DPH7: variants seen among roughly 807,000 people sequenced by gnomAD.
DPH7 encodes diphthamide biosynthesis 7.
A neutral mutation model predicts 41.7 loss-of-function variants in DPH7; 44 were observed. The ratio of observed to expected loss-of-function variants is 1.05; its 90% CI spans 0.83 to 1.36. DPH7 has a LOEUF of 1.36. DPH7 is among the 40% of genes most tolerant of loss of function. The pLI, the probability that DPH7 is intolerant of heterozygous loss-of-function variation, is 0.00. For missense variants in DPH7, 629 were observed against 577.5 expected, an observed-to-expected ratio of 1.09 and a Z score of -0.91; for synonymous variants, 275 against 238.0, an observed-to-expected ratio of 1.16 and a Z score of -1.43.
intron 2 of DPH7, 71 bp downstream of exon 2, chr9:137,577,399 A>T (rs1466798591): frequency 1.2e-4 from 176 of 1,466,558 alleles, no homozygotes; most frequent in Non-Finnish European, 1.6e-4. Flanking sequence ...TGTTGAAGGC[A>T]TCAGGCATCA....
At position 137,555,008 on chromosome 9, in the gene DPH7, C is replaced by T. The variant is rs1023975194; in HGVS notation, c.*231G>A. 3.0e-5 allele frequency: 13 copies of T among 429,440 alleles called. No individual in the cohort carries two copies. The highest frequency in any genetic ancestry group is 9.8e-5 in the South Asian group (1 of 10,180). 26.6% of individuals were successfully genotyped at this position (429,440 alleles called of 1,614,324 possible). On this transcript the variant is annotated 3_prime_UTR_variant, in exon 9 of 9. Coordinates refer to ENST00000277540, the MANE Select transcript of DPH7 (RefSeq NM_138778.5). ...CTTAACAAATCTGCAAGCTGGAAAC[C>T]GCGTCTTTTCCCCACTCTCTGCCAG...
At chr9:137,565,309 CTG>C (rs1491358461) in intron 5 of DPH7, 155 bp from the exon 6 acceptor site, 34 of 162,820 alleles carry the variant, frequency 2.1e-4, no homozygotes, top group Non-Finnish European at 2.7e-4. Context: ...CCCTGGGTGA[CTG>C]TCTGTGAGGA....
rs776819236 is a variant in DPH7 at position 137,565,135 on chromosome 9, C to T, written c.660G>A (p.Leu220=). ...IVYSGGDDGL[L]RGWDTRVPGK... is the part of the protein sequence containing the mutation. ...CGGGTACCCTGGTGTCCCAGCCCCTCAGAAGGCCATCGTCGCCCCCTGTGT... is the reference window on the plus strand; with the variant it reads ...CGGGTACCCTGGTGTCCCAGCCCCTTAGAAGGCCATCGTCGCCCCCTGTGT... The change falls in exon 6 of 9, where the codon CTG becomes CTA. Residue 220 remains leucine (L), a synonymous_variant. Transcript: ENST00000277540. 1 of 1,613,930 alleles carries T rather than the reference C, an allele frequency of 6.2e-7. No homozygotes were observed. The highest frequency in any genetic ancestry group is 1.3e-5 in the African/African-American group (1 of 74,948).
intron 5 of DPH7, among the ~76,000 whole-genome samples, chr9:137,570,211 A>G (rs1840204635): frequency 6.6e-6 from 1 of 151,344 alleles, no homozygotes; most frequent in Admixed American, 6.6e-5. Flanking sequence ...ACGGATACAC[A>G]GTGAACATGA....
At chr9:137,574,962 A>AC (rs1841125404) in intron 3 of DPH7, 119 bp from the exon 4 acceptor site, 4 of 1,507,644 alleles carry the variant, frequency 2.7e-6, no homozygotes, top group Non-Finnish European at 3.5e-6. Context: ...CGAATGAAGT[A>AC]CATCAGTCAC....
Position 137,555,083 on chromosome 9 carries a change from A to G in DPH7, c.*156T>C. The G allele has an allele frequency of 1.1e-6, 1 of 918,152 alleles. No individual in the cohort carries two copies. Among genetic ancestry groups the G allele is most frequent in the East Asian group, 3.0e-5 (1 of 33,344 alleles). 56.9% of individuals were successfully genotyped at this position (918,152 alleles called of 1,614,324 possible). A position where few individuals can be genotyped will look rare whatever the true frequency, so the allele number is the denominator to read the frequency against. On this transcript the variant is annotated 3_prime_UTR_variant, in exon 9 of 9. Transcript: ENST00000277540. ...GGGGCCCAGCAGGGAAGCTGATTTA[A>G]GAGAAGTCAACAGCTTTTCTGACTA...
In DPH7 at chr9:137,577,554, AG is replaced by A; in HGVS notation, c.202del (p.Leu68CysfsTer27). On this transcript the variant is annotated frameshift_variant, in exon 2 of 9. Coordinates refer to ENST00000277540, the MANE Select transcript of DPH7 (RefSeq NM_138778.5). LOFTEE classifies it high-confidence loss of function. ...EPQVRLGRLF[L>X]YSFNDNNSIH... ...AGAGTTGTTGTCATTGAAACTGTACAGGAAGAGACGGCCTAAACGGACCTGA... is the reference window on the plus strand; with the variant it reads ...AGAGTTGTTGTCATTGAAACTGTACAGAAGAGACGGCCTAAACGGACCTGA... 6.2e-7 allele frequency: 1 copy of A among 1,614,118 alleles called. No homozygotes were observed. The highest frequency in any genetic ancestry group is 8.5e-7 in the Non-Finnish European group (1 of 1,180,002).
chr9:137,578,588 GC>G, intron 1 of DPH7, 36 bp downstream of exon 1: 1 of 1,436,766 alleles, frequency 7.0e-7, no homozygotes, highest in Non-Finnish European at 9.1e-7. Context: ...CTCGTGGCCG[GC>G]CCCGCCCTCC....
Position 137,578,756 on chromosome 9 carries a change from G to A in DPH7, c.22C>T (p.Gln8Ter). 6.6e-7 allele frequency: 1 copy of A among 1,519,792 alleles called. No homozygotes were observed. The allele number at this position is 1,519,792 out of a possible 1,614,324, so 94.1% of individuals were successfully genotyped here. MMGCFAL[Q>*]TVDTELTADS... Reference sequence around the variant, plus strand: ...GCGGTCAGCTCGGTGTCCACCGTTTGCAGGGCGAAACAGCCCATCATCCAG... The same window carrying A: ...GCGGTCAGCTCGGTGTCCACCGTTTACAGGGCGAAACAGCCCATCATCCAG... Residue 8 changes from glutamine to a stop codon, truncating the protein, a stop_gained, in exon 1 of 9, where the codon CAA becomes TAA. Transcript: ENST00000277540. LOFTEE classifies it high-confidence loss of function.
At chr9:137,562,718 G>C (rs1268423156) in intron 8 of DPH7, among the ~76,000 whole-genome samples, 1 of 151,390 alleles carries the variant, frequency 6.6e-6, no homozygotes, top group African/African-American at 2.4e-5. Flanking sequence ...GCTCATGCCT[G>C]TACTTTGGGA....
In DPH7 at chr9:137,556,065, AACC is replaced by A. The variant is rs1837458532; in HGVS notation, c.950-420_950-418del. ...GAGAAAGTCCAAGGCTCGCACGGGG[AACC>A]ACAAACAGGCAGCCATGGCACTGTC... On this transcript the variant is annotated intron_variant, in intron 8 of 8. Transcript: ENST00000277540. This position sits in a 1 kb window ranked among gnomAD's most constrained non-coding sequence, Gnocchi z 5.2. Among the ~76,000 whole-genome samples the A allele has an allele frequency of 6.6e-6, 1 of 152,152 alleles. No individual in the cohort carries two copies. The highest frequency in any genetic ancestry group is 2.4e-5 in the African/African-American group (1 of 41,436).
At chr9:137,563,356 C>A (rs1838952928) in intron 8 of DPH7, among the ~76,000 whole-genome samples, 1 of 151,748 alleles carries the variant, frequency 6.6e-6, no homozygotes, top group Non-Finnish European at 1.5e-5. Context: ...CATGGTGAAC[C>A]CCCCATCTCT....
chr9:137,574,466 C>T (rs1841035493), intron 4 of DPH7, 86 bp from the exon 5 acceptor site: 2 of 1,427,786 alleles, frequency 1.4e-6, no homozygotes, highest in Non-Finnish European at 1.9e-6. Context: ...GAGAGACGGT[C>T]TCCACAGCCC....
Position 137,564,578 on chromosome 9 carries a change from T to C in DPH7, c.805A>G (p.Thr269Ala). The stretch of plus-strand genomic sequence containing the variant: ...GCCAACGGCTGCTTCATGTTTCGTG[T>C]GTCCCACAGTAGGATGTGTTCATCA... ...SYDEHILLWD[T>A]RNMKQPLADT... Residue 269 changes from threonine to alanine, a missense_variant, in exon 8 of 9, where the codon ACA becomes GCA. Thr to Ala is a moderately conservative substitution (Grantham distance 58). Coordinates refer to ENST00000277540, the MANE Select transcript of DPH7 (RefSeq NM_138778.5). 6.2e-7 allele frequency: 1 copy of C among 1,613,770 alleles called. No individual in the cohort carries two copies. Among genetic ancestry groups the C allele is most frequent in the Non-Finnish European group, 8.5e-7 (1 of 1,179,720 alleles).
At chr9:137,570,242 C>T (rs928235323) in intron 5 of DPH7, among the ~76,000 whole-genome samples, 2 of 151,988 alleles carry the variant, frequency 1.3e-5, no homozygotes, top group African/African-American at 2.4e-5. Flanking sequence ...AATGAACCAG[C>T]GGAATCAGCT....
chr9:137,555,113 G>A lies in DPH7; in HGVS notation c.*126C>T, dbSNP rs959071591. 11 of 1,223,108 alleles carry A rather than the reference G, an allele frequency of 9.0e-6. No individual in the cohort carries two copies. Among genetic ancestry groups the A allele is most frequent in the Admixed American group, 3.1e-5 (1 of 32,432 alleles). 75.8% of individuals were successfully genotyped at this position (1,223,108 alleles called of 1,614,324 possible). A position where few individuals can be genotyped will look rare whatever the true frequency, so the allele number is the denominator to read the frequency against. ...AGTCAACAGCTTTTCTGACTACACTGTGGATTCCATCAGTGCACAGGCACC... is the reference window on the plus strand; with the variant it reads ...AGTCAACAGCTTTTCTGACTACACTATGGATTCCATCAGTGCACAGGCACC... On this transcript the variant is annotated 3_prime_UTR_variant, in exon 9 of 9. Coordinates refer to ENST00000277540, the MANE Select transcript of DPH7 (RefSeq NM_138778.5).
At chr9:137,558,741 T>C (rs1338727563) in intron 8 of DPH7, among the ~76,000 whole-genome samples, 1 of 152,212 alleles carries the variant, frequency 6.6e-6, no homozygotes, top group Non-Finnish European at 1.5e-5. Flanking sequence ...TCTTCTTTTA[T>C]TTTTTATTTT....
At chr9:137,572,541 G>A (rs1262529932) in intron 5 of DPH7, among the ~76,000 whole-genome samples, 1 of 152,236 alleles carries the variant, frequency 6.6e-6, no homozygotes, top group Non-Finnish European at 1.5e-5. Context: ...TAACAAACTA[G>A]ATGAGACAGT....
At chr9:137,578,318 C>T (rs1290868511) in intron 1 of DPH7, among the ~76,000 whole-genome samples, 1 of 152,202 alleles carries the variant, frequency 6.6e-6, no homozygotes, top group Non-Finnish European at 1.5e-5. Context: ...GCGCCGCCAC[C>T]ACGCCCGGCT....
Sources: allele counts gnomAD v4.1 joint callset (sites outside exome capture counted in the v4.1 genomes callset), GRCh38; gene constraint gnomAD v4.1.1; non-coding constraint Gnocchi (gnomAD v3.1); transcripts MANE v1.5; gene names NCBI Gene and HGNC (gene_info 2026-07-23, HGNC 2026-07-21).